The following OR51B5 variants were observed in gnomAD, a reference collection of about 807,000 sequenced individuals.
OR51B5 encodes olfactory receptor 51B5.
For missense variants in OR51B5, 456 were observed against 374.6 expected (o/e 1.22, Z -1.79); for synonymous variants, 186 against 144.8 (o/e 1.28, Z -2.04).
rs2133678841 is a variant in OR51B5, at chr11:5,343,480, A to AGG, written c.44_45insCC (p.Pro16LeufsTer59). On this transcript the variant is annotated frameshift_variant, in exon 1 of 1. Coordinates refer to ENST00000300773, the Ensembl canonical transcript of OR51B5. LOFTEE classifies it low-confidence loss of function (END_TRUNC). Reference sequence around the variant, plus strand: ...AGTGATGAGCTTCCTCCAAGCCTGGAAAACCAGTCAATAGGAAGGGATGGG... The same window carrying AGG: ...AGTGATGAGCTTCCTCCAAGCCTGGAGGAAACCAGTCAATAGGAAGGGATGGG... 1 of 1,431,096 alleles carries AGG rather than the reference A, an allele frequency of 7.0e-7. No individual in the cohort carries two copies. The highest frequency in any genetic ancestry group is 1.2e-5 in the South Asian group (1 of 84,284). The allele number at this position is 1,431,096 out of a possible 1,614,324, so 88.6% of individuals were successfully genotyped here.
At chr11:5,437,967 A>G (rs1327707540) in intron 1 of OR51B5, among the ~76,000 whole-genome samples, 1 of 152,190 alleles carries the variant, frequency 6.6e-6, no homozygotes, top group Non-Finnish European at 1.5e-5. Context: ...GGAGCACTGA[A>G]ATATCAAAGG....
At chr11:5,439,099 CCT>C (rs35645484) in intron 1 of OR51B5, among the ~76,000 whole-genome samples, 38 of 149,840 alleles carry the variant, frequency 2.5e-4, no homozygotes, top group Middle Eastern at 7.0e-3. Context: ...TCTCTCTCGT[CCT>C]CTCTCTCTCT....
At chr11:5,471,001 A>G (rs563670441) in intron 1 of OR51B5, among the ~76,000 whole-genome samples, 33 of 152,350 alleles carry the variant, frequency 2.2e-4, no homozygotes, top group Non-Finnish European at 3.7e-4. Context: ...TAAAAATTCA[A>G]GTCCTTACCA....
intron 1 of OR51B5, chr11:5,383,929 T>G (rs1564795049): frequency 6.6e-6 from 1 of 152,276 alleles, no homozygotes; most frequent in Non-Finnish European, 1.5e-5. Flanking sequence ...TGAGTCTCAC[T>G]ACTGTCTTGT....
intron 1 of OR51B5, among the ~76,000 whole-genome samples, chr11:5,451,451 A>T (rs1850846753): frequency 1.3e-5 from 2 of 152,226 alleles, no homozygotes; most frequent in Admixed American, 1.3e-4. Flanking sequence ...GACAAACATC[A>T]GTTCTGGATC....
At chr11:5,417,665 A>G (rs1364649942) in intron 1 of OR51B5, among the ~76,000 whole-genome samples, 2 of 151,868 alleles carry the variant, frequency 1.3e-5, no homozygotes, top group African/African-American at 4.8e-5. Flanking sequence ...CAAAAAACAC[A>G]TGAAAAAATG....
intron 1 of OR51B5, among the ~76,000 whole-genome samples, chr11:5,415,542 G>T (rs1850228986): frequency 6.6e-6 from 1 of 151,658 alleles, no homozygotes; most frequent in Admixed American, 6.6e-5. Context: ...GACTAATAAA[G>T]AAAAAAAGAG....
chr11:5,342,545 GA>G (rs749467444), downstream of OR51B5: 4 of 1,528,814 alleles, frequency 2.6e-6, no homozygotes, highest in Admixed American at 4.4e-5. Context: ...CTAAATATTA[GA>G]GTTTTTACAT....
rs997584720 is a variant in OR51B5, at chr11:5,483,426, G to A, written n.84+22143C>T. On this transcript the variant is annotated intron_variant and non_coding_transcript_variant, in intron 1 of 4. Coordinates refer to the OR51B5 transcript ENST00000415970. ...AACGCTAGATGACGAGTTAGTGGGT[G>A]CAGCGCACCAGCATGGCACATGTAT... Among the ~76,000 whole-genome samples, 59 of 145,840 alleles carry A rather than the reference G, an allele frequency of 4.0e-4. 2 individuals are homozygous for A. The highest frequency in any genetic ancestry group is 1.4e-3 in the African/African-American group (55 of 39,148).
At chr11:5,354,020 G>A (rs913969506) in intron 1 of OR51B5, among the ~76,000 whole-genome samples, 4 of 151,910 alleles carry the variant, frequency 2.6e-5, no homozygotes, top group African/African-American at 9.7e-5. Context: ...GCTCGAGGAT[G>A]GTAAATATAA....
intron 1 of OR51B5, among the ~76,000 whole-genome samples, chr11:5,395,490 A>G (rs947358267): frequency 6.6e-6 from 1 of 152,160 alleles, no homozygotes; most frequent in Admixed American, 6.5e-5. Flanking sequence ...CTGCTGTTCT[A>G]TCATATCTCC....
At chr11:5,348,605 C>T (rs565610070) in intron 1 of OR51B5, among the ~76,000 whole-genome samples, 1 of 152,062 alleles carries the variant, frequency 6.6e-6, no homozygotes, top group South Asian at 2.1e-4. Context: ...GCCTGTGTGA[C>T]TTTAGCACCT....
chr11:5,412,219 ATCT>A (rs1850159011), intron 1 of OR51B5, among the ~76,000 whole-genome samples: 1 of 152,174 alleles, frequency 6.6e-6, no homozygotes, highest in African/African-American at 2.4e-5. Flanking sequence ...ATATGACTAT[ATCT>A]TCTTGAGTAA....
chr11:5,350,733 ATTC>A (rs1849067884), intron 1 of OR51B5, among the ~76,000 whole-genome samples: 1 of 152,164 alleles, frequency 6.6e-6, no homozygotes, highest in African/African-American at 2.4e-5. Context: ...TTTACTGTTT[ATTC>A]TTCAATTTAT....
intron 1 of OR51B5, among the ~76,000 whole-genome samples, chr11:5,396,945 A>C (rs957265870): frequency 2.2e-4 from 33 of 152,288 alleles, no homozygotes; most frequent in African/African-American, 6.7e-4. Context: ...GAAAAACAAG[A>C]AATGGGGAAA....
At chr11:5,388,763 T>C (rs1275121076) in intron 1 of OR51B5, among the ~76,000 whole-genome samples, 1 of 152,016 alleles carries the variant, frequency 6.6e-6, no homozygotes, top group African/African-American at 2.4e-5. Context: ...GTACAAAAGA[T>C]GAGTCACTGG....
At chr11:5,389,436 T>TCAGTTTA in intron 1 of OR51B5, 2 of 1,613,960 alleles carry the variant, frequency 1.2e-6, no homozygotes, top group Non-Finnish European at 1.7e-6. Flanking sequence ...CAATTCATGC[T>TCAGTTTA]GCTATCCAAC....
At chr11:5,373,899 C>A (rs1255171116) in intron 1 of OR51B5, among the ~76,000 whole-genome samples, 1 of 152,128 alleles carries the variant, frequency 6.6e-6, no homozygotes, top group Non-Finnish European at 1.5e-5. Flanking sequence ...CCTTTGGGGG[C>A]AGGGCACAGA....
chr11:5,485,867 C>A (rs1308971783), intron 1 of OR51B5, among the ~76,000 whole-genome samples: 1 of 152,092 alleles, frequency 6.6e-6, no homozygotes, highest in Non-Finnish European at 1.5e-5. Flanking sequence ...AATTAACCCT[C>A]AGCATCTCAG....
Sources: allele counts gnomAD v4.1 joint callset (sites outside exome capture counted in the v4.1 genomes callset), GRCh38; gene constraint gnomAD v4.1.1; transcripts MANE v1.5; gene names NCBI Gene and HGNC (gene_info 2026-07-23, HGNC 2026-07-21).